The following RNF180 variants were observed in gnomAD, a reference collection of about 807,000 sequenced individuals.
RNF180 encodes the protein E3 ubiquitin-protein ligase RNF180.
A neutral mutation model predicts 59.2 loss-of-function variants in RNF180; 38 were observed. That is an observed-to-expected ratio of 0.64 (90% CI 0.50 to 0.84). The LOEUF (loss-of-function observed/expected upper bound fraction) is 0.84. Among genes scored for constraint, RNF180 ranks in the 40% least tolerant of loss-of-function variants. The pLI is 0.00. For synonymous variants in RNF180, 262 were observed against 240.3 expected (o/e 1.09, Z -0.84); for missense variants, 705 against 700.9 (o/e 1.01, Z -0.07).
At chr5:64,189,503 G>A (rs1266901899) in intron 1 of RNF180, among the ~76,000 whole-genome samples, 2 of 152,086 alleles carry the variant, frequency 1.3e-5, no homozygotes, top group African/African-American at 4.8e-5. Context: ...AAAAACCTTG[G>A]CTGAATTGTA....
chr5:64,190,150 G>A (rs1405995868), intron 1 of RNF180, among the ~76,000 whole-genome samples: 1 of 152,144 alleles, frequency 6.6e-6, no homozygotes, highest in Non-Finnish European at 1.5e-5. Flanking sequence ...CCATCTCAGT[G>A]GGCCGAGAAA....
At chr5:64,360,840 T>C (rs2112604429) in intron 7 of RNF180, among the ~76,000 whole-genome samples, 1 of 151,752 alleles carries the variant, frequency 6.6e-6, no homozygotes, top group Non-Finnish European at 1.5e-5. Flanking sequence ...TACCTGAGCC[T>C]CATTTCCCAT....
chr5:64,350,783 C>T (rs982638617), intron 7 of RNF180, among the ~76,000 whole-genome samples: 25 of 152,086 alleles, frequency 1.6e-4, no homozygotes, highest in African/African-American at 6.0e-4. Flanking sequence ...TGTTTTGGTA[C>T]CAGTACCATG....
intron 5 of RNF180, among the ~76,000 whole-genome samples, chr5:64,233,364 G>A (rs2112205350): frequency 6.6e-6 from 1 of 152,300 alleles, no homozygotes; most frequent in Admixed American, 6.5e-5. Context: ...TTAGATTTCA[G>A]CAGTTATAGG....
chr5:64,217,210 A>G, intron 4 of RNF180, 151 bp from the exon 5 acceptor site: 1 of 923,662 alleles, frequency 1.1e-6, no homozygotes, highest in Non-Finnish European at 1.4e-6. Flanking sequence ...TTTATTGCTC[A>G]GTAGTATTCC....
intron 1 of RNF180, among the ~76,000 whole-genome samples, chr5:64,166,987 C>T (rs1394282471): frequency 6.6e-6 from 1 of 152,080 alleles, no homozygotes; most frequent in East Asian, 1.9e-4. Flanking sequence ...TTATAGTACC[C>T]CTAAAAGTGA....
chr5:64,240,394 GGAGGACATAA>G (rs1472982567), intron 5 of RNF180, among the ~76,000 whole-genome samples: 1 of 152,084 alleles, frequency 6.6e-6, no homozygotes, highest in Non-Finnish European at 1.5e-5. Context: ...GCCTAAATGA[GGAGGACATAA>G]TATATTTATA....
intron 5 of RNF180, among the ~76,000 whole-genome samples, chr5:64,221,716 A>C (rs1207569910): frequency 6.6e-6 from 1 of 152,172 alleles, no homozygotes; most frequent in South Asian, 2.1e-4. Context: ...AATTATATAG[A>C]TCTAATTTTC....
chr5:64,194,654 T>C (rs1434610467), intron 1 of RNF180, among the ~76,000 whole-genome samples: 7 of 152,194 alleles, frequency 4.6e-5, no homozygotes, highest in Admixed American at 4.6e-4. Context: ...CTCCACATCC[T>C]CTCCAGCACC....
intron 5 of RNF180, among the ~76,000 whole-genome samples, chr5:64,284,974 G>T (rs1180173115): frequency 6.6e-6 from 1 of 152,196 alleles, no homozygotes; most frequent in African/African-American, 2.4e-5. Context: ...TGAAGCTGTT[G>T]TCCTTTGTAT....
At chr5:64,364,010 A>G (rs1469198779) in intron 7 of RNF180, among the ~76,000 whole-genome samples, 1 of 151,842 alleles carries the variant, frequency 6.6e-6, no homozygotes, top group South Asian at 2.1e-4. Flanking sequence ...CTATCTAGAT[A>G]TAGAATCATG....
chr5:64,215,540 G>A (rs1015647591), intron 4 of RNF180, among the ~76,000 whole-genome samples: 2 of 151,978 alleles, frequency 1.3e-5, no homozygotes, highest in African/African-American at 2.4e-5. Flanking sequence ...TTGCTAAAAC[G>A]CATTTCAGTT....
At chr5:64,194,304 T>C (rs1040516682) in intron 1 of RNF180, among the ~76,000 whole-genome samples, 1 of 152,196 alleles carries the variant, frequency 6.6e-6, no homozygotes, top group South Asian at 2.1e-4. Flanking sequence ...GGTTTCCAGC[T>C]TCATCCATGT....
At chr5:64,207,863 A>T (rs899915202) in intron 2 of RNF180, among the ~76,000 whole-genome samples, 1 of 152,114 alleles carries the variant, frequency 6.6e-6, no homozygotes. Flanking sequence ...TTTGTTACAT[A>T]GTCTTTTCCC....
chr5:64,239,256 A>C (rs1742644204), intron 5 of RNF180, among the ~76,000 whole-genome samples: 1 of 152,186 alleles, frequency 6.6e-6, no homozygotes, highest in African/African-American at 2.4e-5. Flanking sequence ...AAAACTTGTT[A>C]GAAACATACG....
chr5:64,184,491 A>G (rs1302057767), intron 1 of RNF180, among the ~76,000 whole-genome samples: 1 of 152,154 alleles, frequency 6.6e-6, no homozygotes, highest in East Asian at 1.9e-4. Flanking sequence ...CTGTGCTTCT[A>G]TACTGAAGAA....
At chr5:64,267,591 G>A (rs1194059397) in intron 5 of RNF180, among the ~76,000 whole-genome samples, 1 of 151,718 alleles carries the variant, frequency 6.6e-6, no homozygotes, top group African/African-American at 2.4e-5. Context: ...CTATGAGTGA[G>A]AATATGCGGT....
intron 7 of RNF180, among the ~76,000 whole-genome samples, chr5:64,342,348 T>A (rs116139591): frequency 2.0e-5 from 3 of 152,130 alleles, no homozygotes; most frequent in Non-Finnish European, 2.9e-5. Flanking sequence ...AGTCTGAGGA[T>A]TAGTCTAGCC....
At chr5:64,192,395 C>T (rs1751203549) in intron 1 of RNF180, among the ~76,000 whole-genome samples, 1 of 151,994 alleles carries the variant, frequency 6.6e-6, no homozygotes, top group South Asian at 2.1e-4. Flanking sequence ...ATGGAGTTGC[C>T]AGGCGCAGTG....
Sources: allele counts gnomAD v4.1 joint callset (sites outside exome capture counted in the v4.1 genomes callset), GRCh38; gene constraint gnomAD v4.1.1; transcripts MANE v1.5; gene names NCBI Gene and HGNC (gene_info 2026-07-23, HGNC 2026-07-21).